The following MYO3A variants were observed in gnomAD, a reference collection of about 807,000 sequenced individuals.
MYO3A encodes myosin-IIIa.
A neutral mutation model predicts 192.7 loss-of-function variants in MYO3A; 180 were observed. The ratio of observed to expected loss-of-function variants is 0.93; its 90% CI spans 0.83 to 1.06. The LOEUF (loss-of-function observed/expected upper bound fraction) is 1.06. Among genes scored for constraint, MYO3A ranks in the 50% least tolerant of loss-of-function variants. The pLI, the probability that MYO3A is intolerant of heterozygous loss-of-function variation, is 0.00. For synonymous variants in MYO3A, 628 were observed against 645.3 expected (o/e 0.97, Z 0.41); for missense variants, 1,896 against 1,905.0 (o/e 1.00, Z 0.09).
rs1024736645 is a variant in MYO3A at position 25,955,020 on chromosome 10, A to G, written c.303+12A>G. On this transcript the variant is annotated intron_variant, in intron 4 of 34. Transcript: ENST00000642920. ...GGTTGGTTCTTGAGGTAAGTGTGTC[A>G]GCATCATTTGTATGGGTGGAAACTT... The G allele has an allele frequency of 1.9e-6, 3 of 1,612,432 alleles. No individual in the cohort carries two copies. Among genetic ancestry groups the G allele is most frequent in the African/African-American group, 2.7e-5 (2 of 74,970 alleles).
chr10:26,038,723 T>C (rs540982184), intron 10 of MYO3A, among the ~76,000 whole-genome samples: 3 of 152,212 alleles, frequency 2.0e-5, no homozygotes, highest in Admixed American at 6.5e-5. Context: ...TCACTACTTA[T>C]GTTGAATAAC....
At chr10:25,992,618 C>T (rs1284979521) in intron 4 of MYO3A, among the ~76,000 whole-genome samples, 1 of 152,150 alleles carries the variant, frequency 6.6e-6, no homozygotes, top group Admixed American at 6.5e-5. Context: ...CCAGTTTTTG[C>T]CCATTCAGTA....
At chr10:26,007,528 G>A (rs1439126001) in intron 6 of MYO3A, among the ~76,000 whole-genome samples, 2 of 152,104 alleles carry the variant, frequency 1.3e-5, no homozygotes, top group Non-Finnish European at 2.9e-5. Flanking sequence ...AGCAACTTCA[G>A]CAAAGTCTCA....
chr10:25,935,226 C>T (rs1048364059), intron 1 of MYO3A, among the ~76,000 whole-genome samples: 9 of 152,148 alleles, frequency 5.9e-5, no homozygotes, highest in African/African-American at 1.9e-4. Context: ...AATAGAGAAA[C>T]CTACCAGGAA....
At chr10:26,127,603 A>G (rs886958225) in intron 19 of MYO3A, among the ~76,000 whole-genome samples, 2 of 152,078 alleles carry the variant, frequency 1.3e-5, no homozygotes, top group East Asian at 1.9e-4. Flanking sequence ...GTCATTTCCA[A>G]ATCACTTCCT....
intron 4 of MYO3A, among the ~76,000 whole-genome samples, chr10:25,957,559 T>C (rs1242840069): frequency 6.6e-6 from 1 of 152,218 alleles, no homozygotes; most frequent in Non-Finnish European, 1.5e-5. Flanking sequence ...TACATGTGTC[T>C]GTGTCTTTGT....
At chr10:25,963,659 AGT>A (rs1838080475) in intron 4 of MYO3A, among the ~76,000 whole-genome samples, 1 of 152,188 alleles carries the variant, frequency 6.6e-6, no homozygotes. Context: ...GCAGACTCAC[AGT>A]GTGATTCCTT....
chr10:26,100,032 A>G (rs1837333573), intron 17 of MYO3A, among the ~76,000 whole-genome samples: 1 of 152,136 alleles, frequency 6.6e-6, no homozygotes, highest in Admixed American at 6.5e-5. Flanking sequence ...CTGTGAATCC[A>G]TCTGGTCCTG....
intron 4 of MYO3A, among the ~76,000 whole-genome samples, chr10:25,993,871 TGA>T (rs2130880035): frequency 1.3e-5 from 2 of 152,352 alleles, no homozygotes; most frequent in African/African-American, 4.8e-5. Flanking sequence ...CACTGTGGTC[TGA>T]GAGACAGTTT....
chr10:25,985,553 A>G (rs1839601975), intron 4 of MYO3A, among the ~76,000 whole-genome samples: 1 of 152,216 alleles, frequency 6.6e-6, no homozygotes, highest in Non-Finnish European at 1.5e-5. Context: ...TTATTCAAGG[A>G]TACTATGAAC....
chr10:25,992,935 T>C (rs949145722), intron 4 of MYO3A, among the ~76,000 whole-genome samples: 3 of 152,240 alleles, frequency 2.0e-5, no homozygotes, highest in Non-Finnish European at 4.4e-5. Flanking sequence ...GATATTTGCA[T>C]TGATGTTCAT....
intron 27 of MYO3A, among the ~76,000 whole-genome samples, chr10:26,166,671 A>G (rs1241460435): frequency 6.6e-6 from 1 of 152,264 alleles, no homozygotes; most frequent in African/African-American, 2.4e-5. Flanking sequence ...TATATTCTCT[A>G]GTTTATCACT....
At chr10:25,956,631 T>A (rs994810688) in intron 4 of MYO3A, among the ~76,000 whole-genome samples, 5 of 151,960 alleles carry the variant, frequency 3.3e-5, no homozygotes, top group Non-Finnish European at 7.4e-5. Flanking sequence ...TTATGGTTTT[T>A]AAATGATTCT....
intron 31 of MYO3A, among the ~76,000 whole-genome samples, chr10:26,184,665 A>G (rs561558218): frequency 6.6e-6 from 1 of 152,338 alleles, no homozygotes; most frequent in South Asian, 2.1e-4. Context: ...TGCATTTCTG[A>G]CAAACCAAAA....
rs781066862 is a variant in MYO3A, at chr10:26,157,298, T to C, written c.2794-12T>C. ...GCTACATTGGGAAATTTATTTTTGTTGTGTATTATAGTATTCCCTGATGGA... is the reference window on the plus strand; with the variant it reads ...GCTACATTGGGAAATTTATTTTTGTCGTGTATTATAGTATTCCCTGATGGA... On this transcript the variant is annotated splice_polypyrimidine_tract_variant and intron_variant, in intron 25 of 34. Coordinates refer to ENST00000642920, the MANE Select transcript of MYO3A (RefSeq NM_017433.5). The C allele has an allele frequency of 6.2e-7, 1 of 1,612,702 alleles. No individual in the cohort carries two copies. The highest frequency in any genetic ancestry group is 1.3e-5 in the African/African-American group (1 of 74,902).
chr10:26,082,994 A>G (rs1836065679), intron 14 of MYO3A, among the ~76,000 whole-genome samples: 1 of 152,192 alleles, frequency 6.6e-6, no homozygotes, highest in Non-Finnish European at 1.5e-5. Flanking sequence ...AACTAGCACA[A>G]GTTTCTTTTT....
chr10:26,161,230 A>T (rs1354471044), intron 26 of MYO3A, among the ~76,000 whole-genome samples: 2 of 152,248 alleles, frequency 1.3e-5, no homozygotes, highest in Non-Finnish European at 2.9e-5. Flanking sequence ...GGGTGTAAAT[A>T]GAACTGCTAA....
At chr10:25,947,503 C>T (rs1212716395) in intron 2 of MYO3A, among the ~76,000 whole-genome samples, 1 of 150,028 alleles carries the variant, frequency 6.7e-6, no homozygotes, top group East Asian at 2.0e-4. Context: ...AAGCGATTCT[C>T]CTGCCTCAGC....
intron 4 of MYO3A, among the ~76,000 whole-genome samples, chr10:25,995,229 A>G (rs529526801): frequency 6.6e-6 from 1 of 152,008 alleles, no homozygotes; most frequent in Non-Finnish European, 1.5e-5. Context: ...TTTTTTCTCT[A>G]AACTTTTCGC....
Sources: gnomAD v4.1 joint callset for allele counts (sites outside exome capture counted in the v4.1 genomes callset) on GRCh38, gnomAD v4.1.1 for gene constraint, MANE v1.5 for transcripts, NCBI Gene and HGNC (gene_info 2026-07-23, HGNC 2026-07-21) for gene names.